The following CAMTA1 variants were observed in gnomAD, a reference collection of about 807,000 sequenced individuals.
CAMTA1 encodes calmodulin-binding transcription activator 1.
A neutral mutation model predicts 170.9 loss-of-function variants in CAMTA1; 27 were observed. The ratio of observed to expected loss-of-function variants is 0.16; its 90% CI spans 0.12 to 0.22. CAMTA1 has a LOEUF of 0.22. CAMTA1 is among the 10% of genes least tolerant of loss of function. The pLI is 1.00. For missense variants in CAMTA1, 1,619 were observed against 2,217.2 expected (o/e 0.73, Z 5.42); for synonymous variants, 833 against 891.5 (o/e 0.93, Z 1.17).
intron 1 of CAMTA1, among the ~76,000 whole-genome samples, chr1:6,795,419 C>G (rs1642256377): frequency 6.6e-6 from 1 of 151,856 alleles, no homozygotes; most frequent in South Asian, 2.1e-4. Context: ...GTCTTGAACT[C>G]CTGGTCTCAA....
At chr1:7,201,451 A>G (rs1026117380) in intron 4 of CAMTA1, among the ~76,000 whole-genome samples, 1 of 152,146 alleles carries the variant, frequency 6.6e-6, no homozygotes, top group African/African-American at 2.4e-5. Context: ...TACTTGAGGA[A>G]CTGTTAGACC....
intron 5 of CAMTA1, among the ~76,000 whole-genome samples, chr1:7,259,930 G>A (rs1164080422): frequency 6.6e-6 from 1 of 152,204 alleles, no homozygotes; most frequent in Non-Finnish European, 1.5e-5. Context: ...TGCTTGGCAT[G>A]GCACCTAGTA....
intron 3 of CAMTA1, among the ~76,000 whole-genome samples, chr1:6,989,975 AGTGG>A (rs1271967440): frequency 6.6e-6 from 1 of 152,126 alleles, no homozygotes; most frequent in Non-Finnish European, 1.5e-5. Flanking sequence ...CCAGGCAACA[AGTGG>A]GTCTTTCAGG....
intron 4 of CAMTA1, among the ~76,000 whole-genome samples, chr1:7,131,223 A>T (rs1645233113): frequency 6.6e-6 from 1 of 152,164 alleles, no homozygotes; most frequent in Non-Finnish European, 1.5e-5. Flanking sequence ...AAGTGCCAGG[A>T]TTACAGGTGC....
At chr1:7,174,714 CA>C (rs1650400958) in intron 4 of CAMTA1, among the ~76,000 whole-genome samples, 1 of 152,196 alleles carries the variant, frequency 6.6e-6, no homozygotes, top group Admixed American at 6.5e-5. Context: ...CGTGGACGAG[CA>C]GGAGGCAGGT....
At chr1:7,467,213 T>A (rs371659435) in intron 5 of CAMTA1, among the ~76,000 whole-genome samples, 1 of 152,200 alleles carries the variant, frequency 6.6e-6, no homozygotes, top group African/African-American at 2.4e-5. Context: ...CAAAACCAAA[T>A]CCATCTGCAA....
intron 5 of CAMTA1, chr1:7,382,707 T>C (rs1557625032): frequency 1.3e-5 from 2 of 152,204 alleles, no homozygotes; most frequent in Admixed American, 1.3e-4. Flanking sequence ...CATTTCTCCA[T>C]ACATTGATGA....
chr1:6,878,173 T>G (rs1009305725), intron 3 of CAMTA1, among the ~76,000 whole-genome samples: 1 of 152,252 alleles, frequency 6.6e-6, no homozygotes, highest in African/African-American at 2.4e-5. Flanking sequence ...GTAGCAACAT[T>G]CATGGTGGTA....
chr1:7,047,171 C>T (rs10746465), intron 3 of CAMTA1, among the ~76,000 whole-genome samples: 3 of 152,010 alleles, frequency 2.0e-5, no homozygotes, highest in African/African-American at 7.3e-5. Flanking sequence ...TCTCCTCCCC[C>T]ACAACATGCA....
intron 3 of CAMTA1, among the ~76,000 whole-genome samples, chr1:6,826,142 G>A (rs1015681132): frequency 1.3e-5 from 2 of 152,170 alleles, no homozygotes; most frequent in Admixed American, 6.6e-5. Flanking sequence ...AGATTCTTTG[G>A]CGCTAACTAC....
At chr1:7,494,083 G>T (rs2093785959) in intron 6 of CAMTA1, among the ~76,000 whole-genome samples, 1 of 151,348 alleles carries the variant, frequency 6.6e-6, no homozygotes, top group African/African-American at 2.4e-5. Context: ...TAGGGAGGTG[G>T]CCTTCTGGGT....
At chr1:7,623,995 T>G (rs2095616621) in intron 6 of CAMTA1, among the ~76,000 whole-genome samples, 1 of 152,228 alleles carries the variant, frequency 6.6e-6, no homozygotes, top group African/African-American at 2.4e-5. Context: ...TTGAGTGAAA[T>G]TTAAACACAG....
At chr1:7,283,721 A>C (rs1671840600) in intron 5 of CAMTA1, among the ~76,000 whole-genome samples, 1 of 152,206 alleles carries the variant, frequency 6.6e-6, no homozygotes, top group Non-Finnish European at 1.5e-5. Context: ...TTGTCCAAAT[A>C]AACTCCATTC....
chr1:7,473,695 T>G (rs1405362282), intron 6 of CAMTA1, among the ~76,000 whole-genome samples: 2 of 152,198 alleles, frequency 1.3e-5, no homozygotes, highest in Admixed American at 1.3e-4. Context: ...TGAGGGCAAC[T>G]GAGTCCCAGG....
chr1:7,442,452 A>G (rs1043312101), intron 5 of CAMTA1, among the ~76,000 whole-genome samples: 4 of 152,206 alleles, frequency 2.6e-5, no homozygotes, highest in Non-Finnish European at 5.9e-5. Context: ...ATGAGCAGGC[A>G]GCCGGTACAG....
At chr1:7,141,924 G>A (rs141672574) in intron 4 of CAMTA1, among the ~76,000 whole-genome samples, 1 of 152,304 alleles carries the variant, frequency 6.6e-6, no homozygotes, top group African/African-American at 2.4e-5. Flanking sequence ...CCAGGGGCTT[G>A]TGGTAGAGAA....
At chr1:6,873,493 A>T (rs1455876155) in intron 3 of CAMTA1, among the ~76,000 whole-genome samples, 1 of 152,138 alleles carries the variant, frequency 6.6e-6, no homozygotes, top group Non-Finnish European at 1.5e-5. Flanking sequence ...CCCCTGAGGG[A>T]TGAGCTGGTT....
At chr1:7,754,750 T>C (rs888245727) in intron 21 of CAMTA1, among the ~76,000 whole-genome samples, 7 of 152,236 alleles carry the variant, frequency 4.6e-5, no homozygotes, top group African/African-American at 1.7e-4. Context: ...AAAAATGTTA[T>C]TGGCTCTTTA....
At chr1:7,162,493 A>G (rs939035653) in intron 4 of CAMTA1, among the ~76,000 whole-genome samples, 25 of 152,064 alleles carry the variant, frequency 1.6e-4, no homozygotes, top group African/African-American at 5.6e-4. Context: ...GGCAACCACA[A>G]ATCTACTTTC....
Sources: allele counts gnomAD v4.1 joint callset (sites outside exome capture counted in the v4.1 genomes callset), GRCh38; gene constraint gnomAD v4.1.1; transcripts MANE v1.5; gene names NCBI Gene and HGNC (gene_info 2026-07-23, HGNC 2026-07-21).